Variants in KCNH7 observed in about 807,000 individuals in gnomAD.
KCNH7 encodes the protein potassium voltage-gated channel subfamily H member 7, also known as voltage-gated inwardly rectifying potassium channel KCNH7.
In KCNH7, 49 loss-of-function variants were observed where a neutral mutation model predicts 120.8. That is an observed-to-expected ratio of 0.41 (90% CI 0.32 to 0.51). The LOEUF is 0.51. KCNH7 is among the 20% of genes least tolerant of loss of function. KCNH7 has a pLI of 0.38. For synonymous variants in KCNH7, 547 were observed against 516.1 expected (o/e 1.06, Z -0.81); for missense variants, 1,097 against 1,446.6 (o/e 0.76, Z 3.92).
chr2:162,555,852 T>A (rs947897762), intron 2 of KCNH7, among the ~76,000 whole-genome samples: 1 of 152,126 alleles, frequency 6.6e-6, no homozygotes, highest in African/African-American at 2.4e-5. Context: ...AAAGTCTTTT[T>A]ATATTTTAAC....
At chr2:162,416,899 C>A (rs1042130743) in intron 9 of KCNH7, among the ~76,000 whole-genome samples, 1 of 152,058 alleles carries the variant, frequency 6.6e-6, no homozygotes, top group Admixed American at 6.6e-5. Context: ...TGGCATGAAA[C>A]GTAATGATTA....
At position 162,396,818 on chromosome 2, in the gene KCNH7, C is replaced by T; in HGVS notation, c.2535G>A (p.Leu845=). The T allele has an allele frequency of 1.9e-6, 3 of 1,611,816 alleles. No homozygotes were observed. Among genetic ancestry groups the T allele is most frequent in the African/African-American group, 1.3e-5 (1 of 74,890 alleles). Residue 845 remains leucine (L), a synonymous_variant, in exon 11 of 16, where the codon TTG becomes TTA. Coordinates refer to ENST00000332142, the MANE Select transcript of KCNH7 (RefSeq NM_033272.4). The part of the protein sequence containing the change: ...KIQREDLLEV[L]DMYPEFSDHF... ...GATCAGAAAACTCAGGATACATATC[C>T]AAAACCTCTAACAAGTCTTCTCGCT...
At chr2:162,406,217 G>A (rs1218952274) in intron 9 of KCNH7, among the ~76,000 whole-genome samples, 1 of 151,310 alleles carries the variant, frequency 6.6e-6, no homozygotes, top group South Asian at 2.1e-4. Flanking sequence ...TTTTTTAAAC[G>A]CCAGAACAAG....
intron 2 of KCNH7, among the ~76,000 whole-genome samples, chr2:162,679,978 C>A (rs987052186): frequency 4.0e-5 from 6 of 151,696 alleles, no homozygotes; most frequent in Non-Finnish European, 8.9e-5. Context: ...AAATCTGCTG[C>A]AGAAACTAAA....
At chr2:162,620,651 T>G (rs1574180054) in intron 2 of KCNH7, among the ~76,000 whole-genome samples, 1 of 152,282 alleles carries the variant, frequency 6.6e-6, no homozygotes, top group Admixed American at 6.5e-5. Context: ...CATTTTTAAA[T>G]TCTGCCAATT....
At chr2:162,800,778 A>G (rs1187544226) in intron 2 of KCNH7, among the ~76,000 whole-genome samples, 1 of 151,968 alleles carries the variant, frequency 6.6e-6, no homozygotes, top group East Asian at 1.9e-4. Context: ...GCAAATGCCA[A>G]TGTGCTAGGC....
intron 2 of KCNH7, among the ~76,000 whole-genome samples, chr2:162,781,165 T>A (rs1683468686): frequency 6.6e-6 from 1 of 152,102 alleles, no homozygotes; most frequent in African/African-American, 2.4e-5. Flanking sequence ...TAAATAATGA[T>A]ATTGATAATA....
intron 2 of KCNH7, among the ~76,000 whole-genome samples, chr2:162,658,101 A>G (rs75921177): frequency 0.027 from 4,090 of 151,622 alleles, 115 homozygotes; most frequent in East Asian, 0.11. Flanking sequence ...GGAGCACACA[A>G]GAAGAAGACG....
At chr2:162,651,806 T>A (rs561733235) in intron 2 of KCNH7, among the ~76,000 whole-genome samples, 6 of 152,292 alleles carry the variant, frequency 3.9e-5, no homozygotes, top group African/African-American at 1.4e-4. Flanking sequence ...TTGAGTTAAT[T>A]TACACTCCCA....
At chr2:162,483,299 G>A (rs568544801) in intron 6 of KCNH7, among the ~76,000 whole-genome samples, 11 of 152,204 alleles carry the variant, frequency 7.2e-5, no homozygotes, top group Non-Finnish European at 1.3e-4. Flanking sequence ...GGATCATGTA[G>A]AATGAAGTGG....
chr2:162,413,832 A>T (rs1687464124), intron 9 of KCNH7, among the ~76,000 whole-genome samples: 1 of 151,974 alleles, frequency 6.6e-6, no homozygotes, highest in African/African-American at 2.4e-5. Flanking sequence ...GTCCTTAAAC[A>T]AACGAACATA....
chr2:162,603,893 A>G (rs1020259996), intron 2 of KCNH7, among the ~76,000 whole-genome samples: 5 of 152,130 alleles, frequency 3.3e-5, no homozygotes, highest in Non-Finnish European at 4.4e-5. Context: ...TATTTGCAGT[A>G]TTGTTTTCAT....
chr2:162,372,007 T>C lies in KCNH7; in HGVS notation c.3413A>G (p.Asp1138Gly). ...TTGTTTTAAAAGTGAAGTCAAGTTG[T>C]CTTCTGAAGCTGTGTTCAGATGCAC... ...SGVHLNTASE[D>G]NLTSLLKQDS... Residue 1138 changes from aspartate to glycine, a missense_variant, in exon 16 of 16, where the codon GAC (aspartate) becomes GGC (glycine). Coordinates refer to ENST00000332142, the MANE Select transcript of KCNH7 (RefSeq NM_033272.4). 6.2e-7 allele frequency: 1 copy of C among 1,613,652 alleles called. No individual in the cohort carries two copies. The highest frequency in any genetic ancestry group is 8.5e-7 in the Non-Finnish European group (1 of 1,179,698).
intron 8 of KCNH7, among the ~76,000 whole-genome samples, chr2:162,433,124 C>T (rs1042709536): frequency 2.0e-5 from 3 of 151,910 alleles, no homozygotes; most frequent in African/African-American, 7.3e-5. Context: ...TGAAAGAAAT[C>T]ATAGATGACA....
intron 9 of KCNH7, among the ~76,000 whole-genome samples, chr2:162,405,187 A>G (rs1384075632): frequency 6.6e-6 from 1 of 152,030 alleles, no homozygotes; most frequent in Non-Finnish European, 1.5e-5. Flanking sequence ...TTACACATGT[A>G]TTAACTTCCC....
intron 2 of KCNH7, among the ~76,000 whole-genome samples, chr2:162,660,306 A>T (rs1316175462): frequency 6.6e-6 from 1 of 152,102 alleles, no homozygotes; most frequent in Non-Finnish European, 1.5e-5. Flanking sequence ...CATCCCACAC[A>T]TTATGACAAA....
chr2:162,575,042 A>G (rs1415694310), intron 2 of KCNH7, among the ~76,000 whole-genome samples: 2 of 152,066 alleles, frequency 1.3e-5, no homozygotes, highest in African/African-American at 4.8e-5. Context: ...TGTTTCAGTA[A>G]TTGTGGAAAA....
At chr2:162,561,730 G>A (rs775970313) in intron 2 of KCNH7, among the ~76,000 whole-genome samples, 12 of 151,990 alleles carry the variant, frequency 7.9e-5, no homozygotes, top group Admixed American at 5.9e-4. Flanking sequence ...CCCACTTTCC[G>A]ATGGCATTCT....
At chr2:162,524,181 A>C (rs979667602) in intron 3 of KCNH7, among the ~76,000 whole-genome samples, 2 of 151,992 alleles carry the variant, frequency 1.3e-5, no homozygotes, top group Middle Eastern at 3.2e-3. Flanking sequence ...AGGAAGTTAA[A>C]CTGATTTTCA....
Sources: gnomAD v4.1 joint callset for allele counts (sites outside exome capture counted in the v4.1 genomes callset) on GRCh38, gnomAD v4.1.1 for gene constraint, MANE v1.5 for transcripts, NCBI Gene and HGNC (gene_info 2026-07-23, HGNC 2026-07-21) for gene names.